Variants in TTC39B observed in about 807,000 individuals in gnomAD.
TTC39B encodes tetratricopeptide repeat domain 39B, also known as tetratricopeptide repeat protein 39B.
Under a neutral mutation model 96.6 loss-of-function variants are expected in TTC39B, and 92 were observed. That is an observed-to-expected ratio of 0.95 (90% CI 0.80 to 1.13). The LOEUF (loss-of-function observed/expected upper bound fraction) is 1.13, where lower values mean the gene tolerates loss of function less well. Ranked by LOEUF, TTC39B falls within the 50% of genes most tolerant of loss-of-function variation. The pLI, the probability that TTC39B is intolerant of heterozygous loss-of-function variation, is 0.00. For synonymous variants in TTC39B, 367 were observed against 299.4 expected, an observed-to-expected ratio of 1.23 and a Z score of -2.33; for missense variants, 955 against 809.3, an observed-to-expected ratio of 1.18 and a Z score of -2.18.
chr9:15,190,052 A>G (rs1321761822), intron 11 of TTC39B, among the ~76,000 whole-genome samples: 1 of 152,228 alleles, frequency 6.6e-6, no homozygotes, highest in Non-Finnish European at 1.5e-5. Flanking sequence ...TGGTTTTAAC[A>G]GCAATATTAA....
chr9:15,176,595 T>C (rs1817952312), intron 18 of TTC39B, among the ~76,000 whole-genome samples: 2 of 152,172 alleles, frequency 1.3e-5, no homozygotes, highest in African/African-American at 4.8e-5. Flanking sequence ...CAGAATATTT[T>C]CAAAAAATTT....
chr9:15,278,516 GC>G (rs1477295494), intron 1 of TTC39B, among the ~76,000 whole-genome samples: 6 of 152,106 alleles, frequency 3.9e-5, no homozygotes, highest in Non-Finnish European at 4.4e-5. Flanking sequence ...ATCCTCTAGT[GC>G]CAACTCTATC....
At chr9:15,227,329 G>A (rs1451012931) in intron 2 of TTC39B, among the ~76,000 whole-genome samples, 2 of 151,316 alleles carry the variant, frequency 1.3e-5, no homozygotes, top group African/African-American at 2.4e-5. Flanking sequence ...AAAAAGTGCA[G>A]TGTCCTCAAT....
exon 20 of TTC39B, chr9:15,166,169 T>C (rs529030364): frequency 6.6e-6 from 1 of 152,250 alleles, no homozygotes; most frequent in Non-Finnish European, 1.5e-5. Flanking sequence ...TGTATGTTAA[T>C]ATTCAACAAG....
At chr9:15,230,977 T>G (rs555344589) in intron 2 of TTC39B, among the ~76,000 whole-genome samples, 2 of 133,064 alleles carry the variant, frequency 1.5e-5, no homozygotes, top group African/African-American at 6.0e-5. Context: ...AGAGTGAGAC[T>G]CCATCTCAGA....
At chr9:15,301,003 G>T (rs965345464) in intron 1 of TTC39B, among the ~76,000 whole-genome samples, 4 of 150,176 alleles carry the variant, frequency 2.7e-5, no homozygotes, top group South Asian at 2.1e-4. Context: ...ACCCAAGTCA[G>T]CCTTTTTGGT....
intron 1 of TTC39B, among the ~76,000 whole-genome samples, chr9:15,282,191 G>A (rs1362531902): frequency 6.6e-6 from 1 of 152,136 alleles, no homozygotes; most frequent in Non-Finnish European, 1.5e-5. Flanking sequence ...GCAAAAAATA[G>A]AGACTGCCAG....
exon 20 of TTC39B, chr9:15,171,728 A>C (rs969476018): frequency 1.6e-5 from 3 of 191,948 alleles, no homozygotes; most frequent in Non-Finnish European, 3.2e-5. Flanking sequence ...TAATTAGACT[A>C]TTGCATCTGC....
At chr9:15,281,625 C>CAA (rs1161175672) in intron 1 of TTC39B, among the ~76,000 whole-genome samples, 4,854 of 48,900 alleles carry the variant, frequency 0.099, 260 homozygotes, top group African/African-American at 0.17. Flanking sequence ...CCTGCAACAG[C>CAA]AAAAAAAAAA....
intron 12 of TTC39B, 24 bp downstream of exon 12, chr9:15,189,701 T>C (rs557743275): frequency 2.7e-5 from 43 of 1,613,984 alleles, no homozygotes; most frequent in Non-Finnish European, 3.5e-5. Flanking sequence ...GGTTGAAACA[T>C]ACACTTTGAA....
chr9:15,259,235 A>C (rs1300908966), intron 2 of TTC39B, among the ~76,000 whole-genome samples: 1 of 152,176 alleles, frequency 6.6e-6, no homozygotes, highest in African/African-American at 2.4e-5. Context: ...GCCCTAAATC[A>C]AAGTTATGTT....
chr9:15,296,036 C>A (rs643531), intron 1 of TTC39B, among the ~76,000 whole-genome samples: 135,232 of 152,232 alleles, frequency 0.89, 60,137 homozygotes, highest in East Asian at 0.97. Flanking sequence ...CAATGTGAGA[C>A]TCTGAGGTTT....
At chr9:15,185,176 GT>G in intron 16 of TTC39B, 103 bp downstream of exon 16, 1 of 1,410,116 alleles carries the variant, frequency 7.1e-7, no homozygotes, top group South Asian at 1.5e-5. Flanking sequence ...ACCTACAATG[GT>G]TTTTAAATGA....
chr9:15,190,522 T>C (rs1231853311), intron 11 of TTC39B, 32 bp downstream of exon 11: 3 of 1,581,050 alleles, frequency 1.9e-6, no homozygotes, highest in Admixed American at 3.3e-5. Context: ...AGACAATCAA[T>C]GTTCAATGAA....
At chr9:15,253,131 G>A (rs1023811993) in intron 2 of TTC39B, among the ~76,000 whole-genome samples, 1 of 152,156 alleles carries the variant, frequency 6.6e-6, no homozygotes, top group Non-Finnish European at 1.5e-5. Context: ...TCTGAATAAT[G>A]GCACCCAAGG....
At chr9:15,207,186 C>G (rs527844736) in intron 6 of TTC39B, among the ~76,000 whole-genome samples, 5 of 152,258 alleles carry the variant, frequency 3.3e-5, no homozygotes, top group African/African-American at 1.2e-4. Flanking sequence ...CTGGGCAGTT[C>G]TTTAGAGTAG....
intron 2 of TTC39B, among the ~76,000 whole-genome samples, chr9:15,228,928 C>T (rs1012461940): frequency 6.6e-6 from 1 of 152,128 alleles, no homozygotes; most frequent in African/African-American, 2.4e-5. Flanking sequence ...TCAGATTCTT[C>T]AAGTTCTTTA....
intron 1 of TTC39B, among the ~76,000 whole-genome samples, chr9:15,287,450 C>G (rs756277283): frequency 7.2e-5 from 11 of 152,166 alleles, no homozygotes; most frequent in Non-Finnish European, 1.3e-4. Flanking sequence ...AAATGGAATG[C>G]TTTGTGGTCT....
intron 1 of TTC39B, among the ~76,000 whole-genome samples, chr9:15,287,713 G>A (rs1226846295): frequency 6.6e-6 from 1 of 152,082 alleles, no homozygotes; most frequent in East Asian, 1.9e-4. Flanking sequence ...CTTTCTGGCT[G>A]GGCGCAGTGG....
Sources: gnomAD v4.1 joint callset for allele counts (sites outside exome capture counted in the v4.1 genomes callset) on GRCh38, gnomAD v4.1.1 for gene constraint, MANE v1.5 for transcripts, NCBI Gene and HGNC (gene_info 2026-07-23, HGNC 2026-07-21) for gene names.